CFI: variants seen among roughly 807,000 people sequenced by gnomAD.
CFI encodes the protein complement factor I.
In CFI, 66 loss-of-function variants were observed where a neutral mutation model predicts 78.8. The observed-to-expected ratio is 0.84, with a 90% confidence interval of 0.69 to 1.03. The LOEUF is 1.03. CFI is among the 50% of genes least tolerant of loss of function. CFI has a pLI of 0.00. For synonymous variants in CFI, 250 were observed against 232.6 expected (o/e 1.07, Z -0.68); for missense variants, 706 against 704.5 (o/e 1.00, Z -0.02).
intron 8 of CFI, among the ~76,000 whole-genome samples, chr4:109,750,538 C>T (rs2126193256): frequency 1.3e-5 from 2 of 152,114 alleles, no homozygotes; most frequent in South Asian, 4.2e-4. Context: ...ATGTTTCCTT[C>T]CTCTGTCTGT....
chr4:109,736,532 C>A (rs968159374), downstream of CFI, among the ~76,000 whole-genome samples: 1 of 152,166 alleles, frequency 6.6e-6, no homozygotes, highest in Non-Finnish European at 1.5e-5. Flanking sequence ...TGCACCAGAT[C>A]TATGAGCATG....
At chr4:109,784,220 CT>C (rs1289438533) in intron 1 of CFI, among the ~76,000 whole-genome samples, 1 of 151,290 alleles carries the variant, frequency 6.6e-6, no homozygotes, top group African/African-American at 2.5e-5. Context: ...TGATGAACAA[CT>C]GTGTTAAATA....
intron 10 of CFI, 22 bp from the exon 11 acceptor site, chr4:109,746,524 A>G: frequency 6.5e-7 from 1 of 1,543,460 alleles, no homozygotes; most frequent in Non-Finnish European, 8.8e-7. Flanking sequence ...AAAAAAAGGA[A>G]ATAAAATATA....
At chr4:109,779,119 G>A (rs1729659944) in intron 1 of CFI, among the ~76,000 whole-genome samples, 2 of 152,116 alleles carry the variant, frequency 1.3e-5, no homozygotes, top group South Asian at 4.2e-4. Flanking sequence ...CATAGTGTTG[G>A]AAGTTCTGAA....
chr4:109,785,629 T>C (rs1451856822), intron 1 of CFI, among the ~76,000 whole-genome samples: 1 of 152,070 alleles, frequency 6.6e-6, no homozygotes, highest in Non-Finnish European at 1.5e-5. Flanking sequence ...TGCTTCTCTG[T>C]GTATATGGGT....
At chr4:109,801,715 A>T (rs956223117) in intron 1 of CFI, among the ~76,000 whole-genome samples, 200 bp downstream of exon 1, 6 of 152,224 alleles carry the variant, frequency 3.9e-5, no homozygotes, top group Non-Finnish European at 8.8e-5. Flanking sequence ...ATATATAAGC[A>T]CATAAAAAGA....
At chr4:109,752,298 C>T (rs527859184) in intron 8 of CFI, among the ~76,000 whole-genome samples, 170 bp downstream of exon 8, 2 of 152,176 alleles carry the variant, frequency 1.3e-5, no homozygotes, top group Admixed American at 6.5e-5. Context: ...ATCATTTAAG[C>T]TTGCTTTTCT....
chr4:109,741,399 AT>A (rs1031424971), intron 12 of CFI: 26 of 978,730 alleles, frequency 2.7e-5, no homozygotes, highest in Non-Finnish European at 3.2e-5. Flanking sequence ...GTTGCATCAA[AT>A]GCTGAGTAGG....
rs930320101 is a variant in CFI at position 109,752,382 on chromosome 4, T to C, written c.940+86A>G. On this transcript the variant is annotated intron_variant, in intron 8 of 12. Transcript: ENST00000394634. ...AATTGATACCAAAACTACTTGTTGC[T>C]TGAATCAATTATATATATGCAAATG... is the stretch of plus-strand genomic sequence containing the variant. 153 of 1,181,044 alleles carry C rather than the reference T, an allele frequency of 1.3e-4. 2 individuals carry two copies. The highest frequency in any genetic ancestry group is 1.0e-3 in the South Asian group (77 of 74,616). 73.2% of individuals were successfully genotyped at this position (1,181,044 alleles called of 1,614,324 possible). A position where few individuals can be genotyped will look rare whatever the true frequency, so the allele number is the denominator to read the frequency against.
chr4:109,756,573 C>G (rs62324896), intron 7 of CFI, among the ~76,000 whole-genome samples: 35,986 of 151,630 alleles, frequency 0.24, 4,490 homozygotes, highest in Middle Eastern at 0.34. Context: ...CTCAGGAATC[C>G]TAAGAAATCC....
At chr4:109,765,059 G>A (rs965216867) in intron 2 of CFI, among the ~76,000 whole-genome samples, 18 of 152,160 alleles carry the variant, frequency 1.2e-4, no homozygotes, top group African/African-American at 2.9e-4. Flanking sequence ...AAGCCCAACC[G>A]TGAAAATGTA....
chr4:109,746,051 T>C (rs1474887567), intron 11 of CFI, among the ~76,000 whole-genome samples, 171 bp downstream of exon 11: 1 of 152,208 alleles, frequency 6.6e-6, no homozygotes, highest in Non-Finnish European at 1.5e-5. Context: ...CATGGGGTGC[T>C]GGGCAGCTGC....
chr4:109,794,208 T>G (rs992258000), intron 1 of CFI: 1 of 152,176 alleles, frequency 6.6e-6, no homozygotes, highest in African/African-American at 2.4e-5. Context: ...CAGCCATTAT[T>G]TCTTCATATA....
chr4:109,752,402 C>A, intron 8 of CFI, 66 bp downstream of exon 8: 1 of 1,403,892 alleles, frequency 7.1e-7, no homozygotes, highest in Non-Finnish European at 1.0e-6. Flanking sequence ...TATATATATG[C>A]AAATGACACT....
chr4:109,789,791 A>G (rs934439830), intron 1 of CFI, among the ~76,000 whole-genome samples: 23 of 152,152 alleles, frequency 1.5e-4, no homozygotes, highest in African/African-American at 5.3e-4. Context: ...TTCTTGTGGT[A>G]TCTTTGATTT....
Position 109,801,895 on chromosome 4 carries a change from A to G in CFI, c.57+20T>C. 1 of 1,533,746 alleles carries G rather than the reference A, an allele frequency of 6.5e-7. No individual in the cohort carries two copies. On this transcript the variant is annotated intron_variant, in intron 1 of 12. Coordinates refer to ENST00000394634, the MANE Select transcript of CFI (RefSeq NM_000204.5). The stretch of plus-strand genomic sequence containing the variant: ...TAAATTATCAATTAAAATTGTTTGC[A>G]TAAAGGTTGAATTACTTACCTTGCA...
intron 1 of CFI, among the ~76,000 whole-genome samples, chr4:109,778,523 C>T (rs1391420790): frequency 6.6e-6 from 1 of 152,060 alleles, no homozygotes; most frequent in African/African-American, 2.4e-5. Flanking sequence ...CAGGACCAGA[C>T]AGATTCACAG....
At chr4:109,769,589 A>G (rs1231001016) in intron 1 of CFI, among the ~76,000 whole-genome samples, 1 of 152,154 alleles carries the variant, frequency 6.6e-6, no homozygotes, top group Non-Finnish European at 1.5e-5. Flanking sequence ...GCGGGGTACT[A>G]TGAGGTTCTC....
chr4:109,741,070 A>T lies in CFI; in HGVS notation c.1575T>A (p.Ser525=). The T allele has an allele frequency of 6.2e-7, 1 of 1,614,182 alleles. No homozygotes were observed. Among genetic ancestry groups the T allele is most frequent in the Non-Finnish European group, 8.5e-7 (1 of 1,180,006 alleles). Reference sequence around the variant, plus strand: ...CATCCATACAGACTAAGGGGCCTCCAGAGTCCCCTTTACAGGCATCGATGG... The same window carrying T: ...CATCCATACAGACTAAGGGGCCTCCTGAGTCCCCTTTACAGGCATCGATGG... The part of the protein sequence containing the change: ...DGSIDACKGD[S]GGPLVCMDAN... The change falls in exon 13 of 13, where the codon TCT becomes TCA. Residue 525 remains serine (S), a synonymous_variant. Coordinates refer to ENST00000394634, the MANE Select transcript of CFI (RefSeq NM_000204.5).
Sources: allele counts gnomAD v4.1 joint callset (sites outside exome capture counted in the v4.1 genomes callset), GRCh38; gene constraint gnomAD v4.1.1; transcripts MANE v1.5; gene names NCBI Gene and HGNC (gene_info 2026-07-23, HGNC 2026-07-21).